Variants in FCRLB observed in about 807,000 individuals in gnomAD.
FCRLB encodes Fc receptor-like B.
FCRLB carries 34 observed loss-of-function variants against 33.6 expected under a neutral mutation model. The ratio of observed to expected loss-of-function variants is 1.01; its 90% CI spans 0.77 to 1.35. FCRLB has a LOEUF of 1.35. FCRLB is among the 40% of genes most tolerant of loss of function. The probability of loss-of-function intolerance (pLI) is 0.00; values close to 1 mark genes in which losing one functional copy is unlikely to be tolerated. For synonymous variants in FCRLB, 280 were observed against 255.9 expected, an observed-to-expected ratio of 1.09 and a Z score of -0.90; for missense variants, 560 against 580.2, an observed-to-expected ratio of 0.97 and a Z score of 0.36.
At position 161,726,648 on chromosome 1, in the gene FCRLB, C is replaced by T; in HGVS notation, c.575-55C>T. ...AGCCCTCGCGGGAAGCAGGAAGGAG[C>T]GGGGTCGCGGAGCGGTGGACAAGCC... On this transcript the variant is annotated intron_variant, in intron 6 of 7. Coordinates refer to ENST00000367948, the Ensembl canonical transcript of FCRLB. This position sits in a 1 kb window ranked among gnomAD's most constrained non-coding sequence, Gnocchi z 5.2. 1.3e-6 allele frequency: 2 copies of T among 1,548,844 alleles called. No individual in the cohort carries two copies. The highest frequency in any genetic ancestry group is 1.2e-5 in the South Asian group (1 of 84,754).
In FCRLB at chr1:161,721,807, T is replaced by A. The variant is rs1472902747; in HGVS notation, c.-64T>A. On this transcript the variant is annotated 5_prime_UTR_variant, in exon 2 of 8. The change abolishes the stop of an existing upstream ORF in the 5' untranslated region. Transcript: ENST00000367948. ...AGAAGTAGAGCCCCGAGGTCAGATC[T>A]GAGAGGCTTCTGAGGGGCCGATGCA... 1 of 152,146 alleles carries A rather than the reference T, an allele frequency of 6.6e-6. No homozygotes were observed. The highest frequency in any genetic ancestry group is 1.5e-5 in the Non-Finnish European group (1 of 68,042). The allele number at this position is 152,146 out of a possible 1,614,324, so 9.4% of individuals were successfully genotyped here. A position where few individuals can be genotyped will look rare whatever the true frequency, so the allele number is the denominator to read the frequency against.
At chr1:161,723,755 C>G (rs1683452876) in intron 5 of FCRLB, 134 bp downstream of exon 5, 2 of 1,358,938 alleles carry the variant, frequency 1.5e-6, no homozygotes, top group Non-Finnish European at 2.0e-6. Flanking sequence ...TCTTAAGTCT[C>G]TGGAGCAGGT....
chr1:161,726,428 C>G lies in FCRLB; in HGVS notation c.575-275C>G, dbSNP rs946251974. ...CAAGGCAGGCGCAGCGTCTCCTATT[C>G]TAGGCTGCAGAACCCGAGCTGAGTG... On this transcript the variant is annotated intron_variant, in intron 6 of 7. Coordinates refer to ENST00000367948, the Ensembl canonical transcript of FCRLB. The surrounding 1 kb of genome is among the most constrained non-coding windows in gnomAD (Gnocchi z 5.2). 4.2e-6 allele frequency: 3 copies of G among 721,180 alleles called. No individual in the cohort carries two copies. In the African/African-American group the frequency reaches 5.2e-5, roughly 13 times the overall value. 44.7% of individuals were successfully genotyped at this position (721,180 alleles called of 1,614,324 possible).
exon 5 of FCRLB, chr1:161,723,544 T>C (rs1318582084): frequency 1.2e-6 from 2 of 1,614,116 alleles, no homozygotes; most frequent in Non-Finnish European, 1.7e-6. Context: ...AGCATTGAGG[T>C]GCAGACACCA....
chr1:161,725,313 G>A (rs779139096), intron 5 of FCRLB, among the ~76,000 whole-genome samples: 18 of 152,302 alleles, frequency 1.2e-4, no homozygotes, highest in Non-Finnish European at 1.6e-4. Flanking sequence ...AGGCTGCTGG[G>A]TGCCAACCAC....
In FCRLB at chr1:161,726,053, C is replaced by A. The variant is rs1683546656; in HGVS notation, c.540C>A (p.Pro180=). 6.2e-7 allele frequency: 1 copy of A among 1,612,742 alleles called. No homozygotes were observed. ...TGCGCATCCCGGTGGAGAGCGCGCC[C>A]ATGTTCTCCGCTAAGGTGGCTGTGA... The change falls in exon 6 of 8, where the codon CCC becomes CCA. Residue 180 remains proline (P), a synonymous_variant. Coordinates refer to ENST00000367948, the Ensembl canonical transcript of FCRLB. The surrounding 1 kb of genome is among the most constrained non-coding windows in gnomAD (Gnocchi z 5.2).
chr1:161,726,881 G>A lies in FCRLB; in HGVS notation c.753G>A (p.Glu251=). 1 of 1,586,842 alleles carries A rather than the reference G, an allele frequency of 6.3e-7. No homozygotes were observed. The highest frequency in any genetic ancestry group is 8.6e-7 in the Non-Finnish European group (1 of 1,166,300). The change falls in exon 7 of 8, where the codon GAG becomes GAA. Residue 251 remains glutamate, a synonymous_variant. Transcript: ENST00000367948. The surrounding 1 kb of genome is among the most constrained non-coding windows in gnomAD (Gnocchi z 5.2). ...TGCGCCGCTTCGACTGGGGCGCCGA[G>A]TACACAGTCCCGGAGCCCGAGGTCG...
In FCRLB at chr1:161,723,480, C is replaced by T. The variant is rs139092332; in HGVS notation, c.166C>T (p.Pro56Ser). 3.0e-5 allele frequency: 49 copies of T among 1,614,072 alleles called. No individual in the cohort carries two copies. Among genetic ancestry groups the T allele is most frequent in the Non-Finnish European group, 3.9e-5 (46 of 1,180,044 alleles). Residue 56 changes from proline (P) to serine (S), a missense_variant, in exon 5 of 8, where the codon CCC (proline) becomes TCC (serine). Transcript: ENST00000367948. Reference sequence around the variant, plus strand: ...CCACCCACTGCTCCTGGAGCTCCAGCCCATCAGCACTCTCTGGTATTTGGG... The same window carrying T: ...CCACCCACTGCTCCTGGAGCTCCAGTCCATCAGCACTCTCTGGTATTTGGG...
Position 161,726,771 on chromosome 1 carries a change from G to T in FCRLB, c.643G>T (p.Val215Leu). The T allele has an allele frequency of 6.3e-7, 1 of 1,580,562 alleles. No individual in the cohort carries two copies. Among genetic ancestry groups the T allele is most frequent in the Non-Finnish European group, 8.6e-7 (1 of 1,166,640 alleles). Residue 215 changes from valine (V) to leucine (L), a missense_variant, in exon 7 of 8, where the codon GTG becomes TTG. Val to Leu is a conservative substitution (Grantham distance 32). Transcript: ENST00000367948. The surrounding 1 kb of genome is among the most constrained non-coding windows in gnomAD (Gnocchi z 5.2). Reference sequence around the variant, plus strand: ...GGCCCGCGGCGCGGCGCTGGGTGGGGTGGTGCTGCGCTGCGACACGCGCCT... The same window carrying T: ...GGCCCGCGGCGCGGCGCTGGGTGGGTTGGTGCTGCGCTGCGACACGCGCCT...
At chr1:161,723,389 G>T (rs1287572357) in exon 5 of FCRLB, 7 of 1,613,846 alleles carry the variant, frequency 4.3e-6, no homozygotes, top group Non-Finnish European at 5.9e-6. Context: ...AGCCCATATT[G>T]TCTCTACATC....
rs1043759299 is a variant in FCRLB, at chr1:161,727,941, C to T, written c.*279C>T. 7 of 401,428 alleles carry T rather than the reference C, an allele frequency of 1.7e-5. No homozygotes were observed. The Admixed American group carries it at 2.4e-4, about 14-fold the overall frequency. The allele number at this position is 401,428 out of a possible 1,614,324, so 24.9% of individuals were successfully genotyped here. ...GGATGTGAATTTAGTCACCCTTAGC[C>T]CTTCAGATAAGCCTAGCCAGTACAT... On this transcript the variant is annotated 3_prime_UTR_variant, in exon 8 of 8. Coordinates refer to ENST00000367948, the Ensembl canonical transcript of FCRLB.
intron 5 of FCRLB, among the ~76,000 whole-genome samples, chr1:161,724,657 G>A (rs905249866): frequency 3.3e-5 from 5 of 152,110 alleles, no homozygotes; most frequent in African/African-American, 9.7e-5. Flanking sequence ...TTTCTTGTTC[G>A]GAAATCATTG....
At chr1:161,725,841 C>A in exon 6 of FCRLB, 1 of 1,611,566 alleles carries the variant, frequency 6.2e-7, no homozygotes, top group Non-Finnish European at 8.5e-7. Flanking sequence ...TCTGCAAGTG[C>A]CCTATGCGCC....
chr1:161,725,326 G>A (rs1683503141), intron 5 of FCRLB, among the ~76,000 whole-genome samples: 1 of 152,176 alleles, frequency 6.6e-6, no homozygotes. Flanking sequence ...CCAACCACCA[G>A]GGAAGGCCTG....
exon 8 of FCRLB, chr1:161,727,414 G>T (rs145348831): frequency 1.2e-6 from 2 of 1,613,150 alleles, no homozygotes; most frequent in African/African-American, 1.3e-5. Context: ...CCCGGCGAGC[G>T]GCGCCCCGAC....
At chr1:161,725,730 T>G in intron 5 of FCRLB, 91 bp from the exon 6 acceptor site, 1 of 1,452,654 alleles carries the variant, frequency 6.9e-7, no homozygotes. Context: ...GGAGAGGAGT[T>G]AAGAGGAGAA....
At chr1:161,725,133 G>A (rs1236287042) in intron 5 of FCRLB, among the ~76,000 whole-genome samples, 1 of 152,168 alleles carries the variant, frequency 6.6e-6, no homozygotes, top group African/African-American at 2.4e-5. Flanking sequence ...AGGTAAGCAG[G>A]ACCCAGTCAG....
rs539623074 is a variant in FCRLB at position 161,726,674 on chromosome 1, G to A, written c.575-29G>A. On this transcript the variant is annotated intron_variant, in intron 6 of 7. Coordinates refer to ENST00000367948, the Ensembl canonical transcript of FCRLB. This position sits in a 1 kb window ranked among gnomAD's most constrained non-coding sequence, Gnocchi z 5.2. The stretch of plus-strand genomic sequence containing the variant: ...GGGGTCGCGGAGCGGTGGACAAGCC[G>A]GCGCCGTTGCTCCCCGCCCTCTCCG... The A allele has an allele frequency of 4.5e-6, 7 of 1,568,972 alleles. No homozygotes were observed. The African/African-American group carries it at 6.7e-5, about 15-fold the overall frequency.
At chr1:161,723,946 G>C (rs1384589917) in intron 5 of FCRLB, among the ~76,000 whole-genome samples, 3 of 152,160 alleles carry the variant, frequency 2.0e-5, no homozygotes, top group Non-Finnish European at 4.4e-5. Context: ...TAGGGGGTTG[G>C]GGAGGGAGCA....
Sources: gnomAD v4.1 joint callset for allele counts (sites outside exome capture counted in the v4.1 genomes callset) on GRCh38, gnomAD v4.1.1 for gene constraint, Gnocchi (gnomAD v3.1) non-coding constraint, MANE v1.5 for transcripts, NCBI Gene and HGNC (gene_info 2026-07-23, HGNC 2026-07-21) for gene names.